The following DPP6 variants were observed in gnomAD, a reference collection of about 807,000 sequenced individuals.
The protein encoded by DPP6 is A-type potassium channel modulatory protein DPP6.
DPP6 carries 69 observed loss-of-function variants against 122.6 expected under a neutral mutation model. The observed-to-expected ratio is 0.56, with a 90% CI of 0.46 to 0.69. DPP6 has a LOEUF of 0.69. DPP6 is among the 30% of genes least tolerant of loss of function. The probability of loss-of-function intolerance (pLI) is 0.00; values close to 1 mark genes in which losing one functional copy is unlikely to be tolerated. For synonymous variants in DPP6, 418 were observed against 433.1 expected (o/e 0.97, Z 0.43); for missense variants, 928 against 1,116.9 (o/e 0.83, Z 2.41).
chr7:154,147,446 TTTCC>T (rs200682495), intron 1 of DPP6, among the ~76,000 whole-genome samples: 56,681 of 142,742 alleles, frequency 0.4, 11,169 homozygotes, highest in Non-Finnish European at 0.45. Context: ...ACTTTATTCA[TTTCC>T]TTCCTTCCTT....
In DPP6 at chr7:154,833,432, G is replaced by T. The variant is rs1800792928; in HGVS notation, c.1667-20348G>T. ...CGAGAAGGAGCAAGAAGTGACTTCT[G>T]TGTGCCTTGGCTGCCTCATCTACAA... is the stretch of plus-strand genomic sequence containing the variant. On this transcript the variant is annotated intron_variant, in intron 16 of 25. Coordinates refer to ENST00000377770, the MANE Select transcript of DPP6 (RefSeq NM_130797.4). This position sits in a 1 kb window ranked among gnomAD's most constrained non-coding sequence, Gnocchi z 4.3. 6.6e-6 allele frequency among the ~76,000 whole-genome samples: 1 copy of T among 152,234 alleles called. No homozygotes were observed. Among genetic ancestry groups the T allele is most frequent in the South Asian group, 2.1e-4 (1 of 4,834 alleles).
intron 1 of DPP6, among the ~76,000 whole-genome samples, chr7:154,063,450 C>G (rs1318267293): frequency 6.3e-5 from 8 of 126,860 alleles, no homozygotes; most frequent in African/African-American, 1.7e-4. Context: ...GGGGGGGAGG[C>G]ACCTCCCGCG....
intron 8 of DPP6, among the ~76,000 whole-genome samples, chr7:154,761,013 T>G (rs1795514840): frequency 6.6e-6 from 1 of 152,070 alleles, no homozygotes; most frequent in African/African-American, 2.4e-5. Context: ...TTTTGTATTT[T>G]TAGTAGAGAC....
chr7:154,425,604 A>AAATGTGTG (rs60604834), intron 1 of DPP6, among the ~76,000 whole-genome samples: 7 of 128,236 alleles, frequency 5.5e-5, no homozygotes, highest in African/African-American at 2.5e-4. Context: ...GGGGAAAAAA[A>AAATGTGTG]TGTGTGTGTG....
Position 154,624,013 on chromosome 7 carries a change from G to A in DPP6, c.628-13808G>A, listed in dbSNP as rs1056845102. On this transcript the variant is annotated intron_variant, in intron 5 of 25. Coordinates refer to ENST00000377770, the MANE Select transcript of DPP6 (RefSeq NM_130797.4). This position sits in a 1 kb window ranked among gnomAD's most constrained non-coding sequence, Gnocchi z 4.7. ...ATTCGAGACCAGCCTGGCCGACATG[G>A]TGAAACCCCATCTCTACTAAAAATA... 6.6e-6 allele frequency among the ~76,000 whole-genome samples: 1 copy of A among 152,152 alleles called. No individual in the cohort carries two copies. Among genetic ancestry groups the A allele is most frequent in the Admixed American group, 6.5e-5 (1 of 15,278 alleles).
intron 7 of DPP6, among the ~76,000 whole-genome samples, chr7:154,688,197 T>C (rs1226136576): frequency 6.6e-6 from 1 of 152,208 alleles, no homozygotes; most frequent in African/African-American, 2.4e-5. Context: ...CAATTTAGAA[T>C]AAGTTTGTTC....
chr7:154,327,217 T>C (rs1349041802), intron 1 of DPP6, among the ~76,000 whole-genome samples: 2 of 152,126 alleles, frequency 1.3e-5, no homozygotes, highest in Non-Finnish European at 2.9e-5. Flanking sequence ...CAGGATAAAA[T>C]AGAAGAATCA....
chr7:154,462,077 A>G (rs1474212475), intron 2 of DPP6, among the ~76,000 whole-genome samples: 1 of 152,092 alleles, frequency 6.6e-6, no homozygotes, highest in Non-Finnish European at 1.5e-5. Flanking sequence ...TCTCCTGCAT[A>G]TGGATATCCA....
At chr7:153,920,293 C>G (rs974074793) in intron 1 of DPP6, among the ~76,000 whole-genome samples, 2 of 152,140 alleles carry the variant, frequency 1.3e-5, no homozygotes, top group African/African-American at 2.4e-5. Flanking sequence ...TTCCTGTGTC[C>G]GGGTCTTCCC....
chr7:154,864,862 C>T (rs563082484), intron 17 of DPP6, among the ~76,000 whole-genome samples: 85 of 152,192 alleles, frequency 5.6e-4, no homozygotes, highest in Non-Finnish European at 1.6e-4. Flanking sequence ...CTCTCAGATC[C>T]GGAAACTGGT....
chr7:154,066,400 A>T (rs1802727632), intron 1 of DPP6, among the ~76,000 whole-genome samples: 2 of 152,110 alleles, frequency 1.3e-5, no homozygotes, highest in African/African-American at 4.8e-5. Context: ...AATTAAATGG[A>T]CTTGTCCCTA....
chr7:154,883,482 GCT>G (rs1180452197), intron 21 of DPP6: 5 of 120,948 alleles, frequency 4.1e-5, no homozygotes, highest in African/African-American at 6.6e-5. Flanking sequence ...ACATACACAT[GCT>G]CTCACACATG....
At chr7:153,949,326 G>A (rs559766692) in intron 1 of DPP6, among the ~76,000 whole-genome samples, 36 of 152,306 alleles carry the variant, frequency 2.4e-4, no homozygotes, top group African/African-American at 7.2e-4. Flanking sequence ...AGCTTCTTCC[G>A]TTAACAGACC....
At chr7:154,606,981 G>C (rs1833604913) in intron 5 of DPP6, among the ~76,000 whole-genome samples, 1 of 121,168 alleles carries the variant, frequency 8.3e-6, no homozygotes, top group Non-Finnish European at 1.9e-5. Flanking sequence ...GGTGCATACT[G>C]TACTGTTGTA....
chr7:154,349,571 T>C (rs1011156923), intron 1 of DPP6, among the ~76,000 whole-genome samples: 1 of 152,236 alleles, frequency 6.6e-6, no homozygotes, highest in Non-Finnish European at 1.5e-5. Flanking sequence ...CGGCTGGGTA[T>C]GCTAAGCTAT....
intron 1 of DPP6, among the ~76,000 whole-genome samples, chr7:154,392,071 C>T (rs768393520): frequency 6.6e-6 from 1 of 152,126 alleles, no homozygotes; most frequent in Non-Finnish European, 1.5e-5. Flanking sequence ...CTCAGGAGTT[C>T]GAGACCAGCC....
chr7:154,060,783 AC>A (rs1303928139), intron 1 of DPP6, among the ~76,000 whole-genome samples: 1 of 91,098 alleles, frequency 1.1e-5, no homozygotes, highest in Non-Finnish European at 2.0e-5. Context: ...GGCTCTTAGG[AC>A]GCCCATCACA....
chr7:153,874,303 A>G, the DPP6 span, among the ~76,000 whole-genome samples: 4 of 152,132 alleles, frequency 2.6e-5, no homozygotes, highest in African/African-American at 7.2e-5. Flanking sequence ...AGAATAACAG[A>G]AGAACCAGAA....
chr7:154,469,685 C>A (rs548541464), intron 2 of DPP6, among the ~76,000 whole-genome samples: 1 of 152,098 alleles, frequency 6.6e-6, no homozygotes, highest in Non-Finnish European at 1.5e-5. Flanking sequence ...AAGAATCTAC[C>A]GAGGAAATAG....
Sources: allele counts gnomAD v4.1 joint callset (sites outside exome capture counted in the v4.1 genomes callset), GRCh38; gene constraint gnomAD v4.1.1; non-coding constraint Gnocchi (gnomAD v3.1); transcripts MANE v1.5; gene names NCBI Gene and HGNC (gene_info 2026-07-23, HGNC 2026-07-21).